TPR: variants seen among roughly 807,000 people sequenced by gnomAD.
TPR encodes translocated promoter region, nuclear basket protein, also known as nucleoprotein TPR.
Under a neutral mutation model 316.1 loss-of-function variants are expected in TPR, and 51 were observed. That is an observed-to-expected ratio of 0.16 (90% CI 0.13 to 0.20). The LOEUF (loss-of-function observed/expected upper bound fraction) is 0.20. Among genes scored for constraint, TPR ranks in the 10% least tolerant of loss-of-function variants. The pLI, the probability that TPR is intolerant of heterozygous loss-of-function variation, is 1.00. For missense variants in TPR, 2,272 were observed against 2,754.8 expected (o/e 0.82, Z 3.92); for synonymous variants, 981 against 914.7 (o/e 1.07, Z -1.31).
At position 186,313,608 on chromosome 1, in the gene TPR, GT is replaced by G; in HGVS notation, c.*362del. On this transcript the variant is annotated 3_prime_UTR_variant, in exon 51 of 51. Coordinates refer to ENST00000367478, the MANE Select transcript of TPR (RefSeq NM_003292.3). ...ATAAACATTGTCTTTGAGCATAATA[GT>G]CAACATAAGTTATTTTTTAGTTTGG... 1.1e-6 allele frequency: 1 copy of G among 880,862 alleles called. No individual in the cohort carries two copies. The highest frequency in any genetic ancestry group is 1.9e-6 in the Non-Finnish European group (1 of 515,004). The allele number at this position is 880,862 out of a possible 1,614,324, so 54.6% of individuals were successfully genotyped here.
In TPR at chr1:186,337,311, A is replaced by G. The variant is rs192865075; in HGVS notation, c.4363-155T>C. The stretch of plus-strand genomic sequence containing the variant: ...TTTCTATGAAACAACTGTAATCTCC[A>G]AAAATGGGGAACTAGTTATGGTTTT... On this transcript the variant is annotated intron_variant, in intron 31 of 50. Coordinates refer to ENST00000367478, the MANE Select transcript of TPR (RefSeq NM_003292.3). 1.2e-3 allele frequency among the ~76,000 whole-genome samples: 180 copies of G among 152,314 alleles called. 1 individual carries two copies. The highest frequency in any genetic ancestry group is 4.1e-3 in the African/African-American group (171 of 41,578).
Position 186,317,541 on chromosome 1 carries a change from G to A in TPR, c.6881C>T (p.Ala2294Val). ...GGAGGGGAGATCTGACTCATCAGAT[G>A]CTTGAACCGGCTCTTCTTCCTGCTG... The part of the protein sequence containing the change: ...DSQQEEEPVQ[A>V]SDESDLPSTS... Residue 2294 changes from alanine (A) to valine (V), a missense_variant, in exon 49 of 51, where the codon GCA becomes GTA. Transcript: ENST00000367478. The A allele has an allele frequency of 6.2e-7, 1 of 1,614,132 alleles. No homozygotes were observed. The highest frequency in any genetic ancestry group is 8.5e-7 in the Non-Finnish European group (1 of 1,180,014).
Position 186,322,591 on chromosome 1 carries a change from G to A in TPR, c.6298-5C>T, listed in dbSNP as rs373539858. ...CCTTCGGGTCATCTGAATTCTCTGC[G>A]TGTCAAGATAAAGGAATTACATTTG... On this transcript the variant is annotated splice_polypyrimidine_tract_variant and splice_region_variant and intron_variant, in intron 43 of 50. Coordinates refer to ENST00000367478, the MANE Select transcript of TPR (RefSeq NM_003292.3). The A allele has an allele frequency of 1.4e-5, 22 of 1,613,760 alleles. No homozygotes were observed. In the African/African-American group the frequency reaches 1.5e-4, roughly 11 times the overall value.
chr1:186,359,343 T>C (rs900432025), intron 12 of TPR, among the ~76,000 whole-genome samples: 1 of 152,044 alleles, frequency 6.6e-6, no homozygotes, highest in Non-Finnish European at 1.5e-5. Flanking sequence ...ATAATGCATA[T>C]AGAGACACGC....
chr1:186,344,223 C>G, intron 25 of TPR, 133 bp from the exon 26 acceptor site: 1 of 1,367,934 alleles, frequency 7.3e-7, no homozygotes, highest in Non-Finnish European at 9.8e-7. Context: ...TTGCTTGAAC[C>G]CAGCAGGTGG....
At chr1:186,371,501 T>C (rs1349862892) in intron 2 of TPR, among the ~76,000 whole-genome samples, 1 of 152,136 alleles carries the variant, frequency 6.6e-6, no homozygotes, top group African/African-American at 2.4e-5. Flanking sequence ...TCACTCTAAA[T>C]AGAGCCTTTA....
At chr1:186,361,953 T>C in intron 7 of TPR, 84 bp from the exon 8 acceptor site, 2 of 1,380,500 alleles carry the variant, frequency 1.4e-6, no homozygotes, top group Non-Finnish European at 2.0e-6. Flanking sequence ...AAATTCCATT[T>C]TTGTAAAGTA....
chr1:186,335,530 C>T lies in TPR; in HGVS notation c.4719G>A (p.Gln1573=). 1.2e-6 allele frequency: 2 copies of T among 1,601,928 alleles called. No individual in the cohort carries two copies. The highest frequency in any genetic ancestry group is 2.3e-5 in the South Asian group (2 of 88,334). The change falls in exon 34 of 51, where the codon CAG becomes CAA. Residue 1573 remains glutamine (Q), a synonymous_variant. Coordinates refer to ENST00000367478, the MANE Select transcript of TPR (RefSeq NM_003292.3). ...KIAHLAGVKD[Q]LTKENEELKQ... ...TAAGCTCCTCATTTTCTTTAGTTAG[C>T]TGATCTTTTACACCTAAAGAAGTAA...
intron 39 of TPR, among the ~76,000 whole-genome samples, chr1:186,329,018 G>A (rs1420397343): frequency 1.3e-5 from 2 of 152,094 alleles, no homozygotes; most frequent in Non-Finnish European, 2.9e-5. Context: ...AATTTAAAAA[G>A]TGCCTCAAAG....
chr1:186,343,418 C>G lies in TPR; in HGVS notation c.3658G>C (p.Glu1220Gln). The G allele has an allele frequency of 6.2e-7, 1 of 1,614,048 alleles. No homozygotes were observed. The highest frequency in any genetic ancestry group is 8.5e-7 in the Non-Finnish European group (1 of 1,179,940). ...ACCCTTTGTCGATAACGCAGACTCTCAACCTGAGCCACCTCAAACCTAGTT... is the reference window on the plus strand; with the variant it reads ...ACCCTTTGTCGATAACGCAGACTCTGAACCTGAGCCACCTCAAACCTAGTT... Reference protein sequence around the residue: ...AETRFEVAQVESLRYRQRVEL... With the variant: ...AETRFEVAQVQSLRYRQRVEL... Residue 1220 changes from glutamate to glutamine, a missense_variant, in exon 27 of 51, where the codon GAG becomes CAG. Around this residue, in one of 10 missense-constraint regions of TPR, gnomAD observed 757 missense variants for 859.8 expected, o/e 0.88. Transcript: ENST00000367478.
rs998957251 is a variant in TPR at position 186,350,294 on chromosome 1, G to T, written c.2705C>A (p.Ala902Asp). The T allele has an allele frequency of 1.9e-6, 3 of 1,613,496 alleles. No individual in the cohort carries two copies. The African/African-American group carries it at 4.0e-5, about 22-fold the overall frequency. The change falls in exon 21 of 51, where the codon GCC becomes GAC. Residue 902 changes from alanine to aspartate, a missense_variant. Physicochemically the swap from Ala to Asp is moderately radical, Grantham distance 126. Transcript: ENST00000367478. ...ELLKNAQKEI[A>D]TLKQHLSNME... ...ATTACTGAGGTGCTGTTTCAATGTGGCAATTTCTTTTTGAGCATTTTTTAA... is the reference window on the plus strand; with the variant it reads ...ATTACTGAGGTGCTGTTTCAATGTGTCAATTTCTTTTTGAGCATTTTTTAA...
chr1:186,341,075 T>G lies in TPR; in HGVS notation c.3973A>C (p.Lys1325Gln). 6.2e-7 allele frequency: 1 copy of G among 1,614,126 alleles called. No homozygotes were observed. Among genetic ancestry groups the G allele is most frequent in the Non-Finnish European group, 8.5e-7 (1 of 1,180,008 alleles). The change falls in exon 29 of 51, where the codon AAG (lysine) becomes CAG (glutamine). Residue 1325 changes from lysine to glutamine, a missense_variant. Physicochemically the swap from Lys to Gln is moderately conservative, Grantham distance 53 (BLOSUM62 1). Coordinates refer to ENST00000367478, the MANE Select transcript of TPR (RefSeq NM_003292.3). Reference sequence around the variant, plus strand: ...TTGACATCCTCTTCTAAGAGCTTCTTCTCTGCCTGCAACATACCGCTTTTC... The same window carrying G: ...TTGACATCCTCTTCTAAGAGCTTCTGCTCTGCCTGCAACATACCGCTTTTC... ...SEKSGMLQAE[K>Q]KLLEEDVKRW...
chr1:186,320,343 G>C lies in TPR; in HGVS notation c.6537C>G (p.His2179Gln). Reference sequence around the variant, plus strand: ...GAGAAGCAAGCTGGCCAAGATCAGAGTGACTAGAACTTGTTTGTGGCATAT... The same window carrying C: ...GAGAAGCAAGCTGGCCAAGATCAGACTGACTAGAACTTGTTTGTGGCATAT... ...PEDMPQTSSSHSDLGQLASQG... is the reference protein window; with the variant it reads ...PEDMPQTSSSQSDLGQLASQG... Residue 2179 changes from histidine (H) to glutamine (Q), a missense_variant, in exon 46 of 51, where the codon CAC (histidine) becomes CAG (glutamine). His to Gln is a conservative substitution (Grantham distance 24). Around this residue, in one of 10 missense-constraint regions of TPR, gnomAD observed 88 missense variants for 176.2 expected, o/e 0.50. Transcript: ENST00000367478. 6.2e-7 allele frequency: 1 copy of C among 1,612,344 alleles called. No homozygotes were observed. The highest frequency in any genetic ancestry group is 8.5e-7 in the Non-Finnish European group (1 of 1,178,960).
chr1:186,352,059 C>T lies in TPR; in HGVS notation c.2386G>A (p.Val796Ile). 1 of 1,610,006 alleles carries T rather than the reference C, an allele frequency of 6.2e-7. No homozygotes were observed. The highest frequency in any genetic ancestry group is 1.3e-5 in the African/African-American group (1 of 74,874). ...KEKEMLKLSE[V>I]RLSQQRESLL... ...GACTCTCTTTGCTGAGAAAGACGAA[C>T]TTCAGACAATTTAAGCATTTCCTTT... is the stretch of plus-strand genomic sequence containing the variant. Residue 796 changes from valine (V) to isoleucine (I), a missense_variant, in exon 19 of 51, where the codon GTT becomes ATT. Physicochemically the swap from Val to Ile is conservative, Grantham distance 29. Around this residue, in one of 10 missense-constraint regions of TPR, gnomAD observed 757 missense variants for 859.8 expected, o/e 0.88. Coordinates refer to ENST00000367478, the MANE Select transcript of TPR (RefSeq NM_003292.3).
At chr1:186,326,665 A>T (rs1657941723) in intron 40 of TPR, among the ~76,000 whole-genome samples, 1 of 151,796 alleles carries the variant, frequency 6.6e-6, no homozygotes. Context: ...GACCTTATAT[A>T]TATAAAATAC....
chr1:186,371,070 A>G (rs1309375979), intron 2 of TPR, 27 bp from the exon 3 acceptor site: 13 of 1,577,314 alleles, frequency 8.2e-6, no homozygotes, highest in Admixed American at 1.7e-5. Context: ...TTATGAATAC[A>G]TACACATTTG....
chr1:186,337,910 G>T (rs1658388070), intron 31 of TPR, 123 bp downstream of exon 31: 5 of 796,244 alleles, frequency 6.3e-6, no homozygotes, highest in Non-Finnish European at 9.4e-6. Context: ...CTTAAATAAA[G>T]ATATCATATA....
At position 186,311,974 on chromosome 1, in the gene TPR, G is replaced by A; in HGVS notation, c.*1997C>T. The A allele has an allele frequency of 1.8e-6, 1 of 571,370 alleles. No individual in the cohort carries two copies. The highest frequency in any genetic ancestry group is 3.1e-6 in the Non-Finnish European group (1 of 327,100). 35.4% of individuals were successfully genotyped at this position (571,370 alleles called of 1,614,324 possible). On this transcript the variant is annotated 3_prime_UTR_variant, in exon 51 of 51. Coordinates refer to ENST00000367478, the MANE Select transcript of TPR (RefSeq NM_003292.3). ...TAAATATATAACTATGTAATTTGCT[G>A]CATCTATTCATTCAACAAGTATTTC...
At position 186,357,406 on chromosome 1, in the gene TPR, G is replaced by A. The variant is rs745562660; in HGVS notation, c.1715C>T (p.Thr572Ile). 6.2e-7 allele frequency: 1 copy of A among 1,613,636 alleles called. No homozygotes were observed. Among genetic ancestry groups the A allele is most frequent in the Admixed American group, 1.7e-5 (1 of 59,910 alleles). The part of the protein sequence containing the change: ...ETREREEQET[T>I]SSKITELQLK... The stretch of plus-strand genomic sequence containing the variant: ...GTATGTGACTACTTACTTGGATGAA[G>A]TTGTTTCTTGTTCTTCTCTTTCTCT... The change falls in exon 14 of 51, where the codon ACT (threonine) becomes ATT (isoleucine). Residue 572 changes from threonine to isoleucine, a missense_variant. Physicochemically the swap from Thr to Ile is moderately conservative, Grantham distance 89. Coordinates refer to ENST00000367478, the MANE Select transcript of TPR (RefSeq NM_003292.3).
Sources: allele counts gnomAD v4.1 joint callset (sites outside exome capture counted in the v4.1 genomes callset), GRCh38; gene constraint gnomAD v4.1.1; regional missense constraint gnomAD v4.1.1; transcripts MANE v1.5; gene names NCBI Gene and HGNC (gene_info 2026-07-23, HGNC 2026-07-21).